Variants in TMEM232 observed in about 807,000 individuals in gnomAD.
TMEM232 encodes transmembrane protein 232.
A neutral mutation model predicts 78.8 loss-of-function variants in TMEM232; 80 were observed. That is an observed-to-expected ratio of 1.01 (90% CI 0.85 to 1.22). The LOEUF (loss-of-function observed/expected upper bound fraction) is 1.22. Among genes scored for constraint, TMEM232 ranks in the 50% most tolerant of loss-of-function variants. TMEM232 has a pLI of 0.00. For missense variants in TMEM232, 881 were observed against 742.2 expected (o/e 1.19, Z -2.17); for synonymous variants, 297 against 254.3 (o/e 1.17, Z -1.60).
At chr5:110,655,714 T>G (rs1788943257) in intron 2 of TMEM232, among the ~76,000 whole-genome samples, 1 of 151,650 alleles carries the variant, frequency 6.6e-6, no homozygotes, top group African/African-American at 2.4e-5. Context: ...CACCATGGAA[T>G]ACTATGCAGC....
At chr5:110,465,119 C>G (rs1761936847) in intron 12 of TMEM232, among the ~76,000 whole-genome samples, 1 of 152,164 alleles carries the variant, frequency 6.6e-6, no homozygotes, top group South Asian at 2.1e-4. Context: ...GAGTGAAAAG[C>G]TGTCTTTACT....
intron 1 of TMEM232, among the ~76,000 whole-genome samples, chr5:110,674,404 A>G (rs1791763894): frequency 6.6e-6 from 1 of 152,246 alleles, no homozygotes; most frequent in Non-Finnish European, 1.5e-5. Flanking sequence ...AATAATGACG[A>G]AGTTATTCCA....
intron 10 of TMEM232, among the ~76,000 whole-genome samples, chr5:110,592,947 C>T (rs561055289): frequency 1.3e-5 from 2 of 152,260 alleles, no homozygotes; most frequent in East Asian, 3.9e-4. Flanking sequence ...TTTGATGAAA[C>T]TGTTGCTCAC....
At chr5:110,648,015 G>C (rs1350282942) in intron 2 of TMEM232, among the ~76,000 whole-genome samples, 3 of 151,930 alleles carry the variant, frequency 2.0e-5, no homozygotes, top group Admixed American at 2.0e-4. Context: ...TTAAGTGGTA[G>C]AACATATTTT....
chr5:110,498,459 T>C (rs1182355799), intron 12 of TMEM232, among the ~76,000 whole-genome samples: 1 of 152,102 alleles, frequency 6.6e-6, no homozygotes. Context: ...TTCCCAATTC[T>C]AGTACCAAGA....
At position 110,470,175 on chromosome 5, in the gene TMEM232, C is replaced by T. The variant is rs900947943; in HGVS notation, c.1704-45259G>A. 5.9e-5 allele frequency among the ~76,000 whole-genome samples: 9 copies of T among 152,088 alleles called. No homozygotes were observed. The South Asian group carries it at 6.2e-4, about 11-fold the overall frequency. On this transcript the variant is annotated intron_variant, in intron 12 of 13. Coordinates refer to ENST00000455884, the MANE Select transcript of TMEM232 (RefSeq NM_001039763.4). The stretch of plus-strand genomic sequence containing the variant: ...TCTGTTTCATGCAGTGCAGCTGTAC[C>T]GTGCTCCCTGGACCCAAACATCTAG...
At chr5:110,500,360 A>G (rs540726471) in intron 12 of TMEM232, among the ~76,000 whole-genome samples, 21 of 152,094 alleles carry the variant, frequency 1.4e-4, no homozygotes, top group Admixed American at 3.3e-4. Flanking sequence ...TTTACAAAGT[A>G]TAACCTCTAA....
rs70999966 is a variant in TMEM232, at chr5:110,406,265, TACACACACACACACACACACAC to T, written n.309-8433_309-8412del. 2.1e-5 allele frequency among the ~76,000 whole-genome samples: 3 copies of T among 143,584 alleles called. No individual in the cohort carries two copies. The Admixed American group carries it at 2.1e-4, about 10-fold the overall frequency. 94.2% of individuals were successfully genotyped at this position (143,584 alleles called of 152,430 possible). On this transcript the variant is annotated intron_variant and non_coding_transcript_variant, in intron 2 of 8. Transcript: ENST00000507188. ...CATCTACCTATGACACAGATATATA[TACACACACACACACACACACAC>T]ACACACACACACACACACATATGTG... is the stretch of plus-strand genomic sequence containing the variant.
At chr5:110,706,347 T>A (rs893139850) in intron 1 of TMEM232, among the ~76,000 whole-genome samples, 2 of 152,174 alleles carry the variant, frequency 1.3e-5, no homozygotes, top group Non-Finnish European at 1.5e-5. Flanking sequence ...TTCTATAATA[T>A]GTTGTTTCTT....
In TMEM232 at chr5:110,625,440, TAAGAAAAATC is replaced by T; in HGVS notation, c.602-17_602-8del. Reference sequence around the variant, plus strand: ...GCTCCAGAGAAAGAAAGTGCTATTGTAAGAAAAATCATCTGTGAGAAATAATTTATTAATA... The same window carrying T: ...GCTCCAGAGAAAGAAAGTGCTATTGTATCTGTGAGAAATAATTTATTAATA... On this transcript the variant is annotated splice_region_variant and splice_polypyrimidine_tract_variant and intron_variant, in intron 6 of 13. Coordinates refer to ENST00000455884, the MANE Select transcript of TMEM232 (RefSeq NM_001039763.4). 6.7e-7 allele frequency: 1 copy of T among 1,497,852 alleles called. No individual in the cohort carries two copies. Among genetic ancestry groups the T allele is most frequent in the South Asian group, 1.3e-5 (1 of 74,576 alleles). The allele number at this position is 1,497,852 out of a possible 1,614,324, so 92.8% of individuals were successfully genotyped here. A position where few individuals can be genotyped will look rare whatever the true frequency, so the allele number is the denominator to read the frequency against.
intron 1 of TMEM232, among the ~76,000 whole-genome samples, chr5:110,719,636 T>C (rs1169233246): frequency 6.6e-6 from 1 of 152,076 alleles, no homozygotes; most frequent in African/African-American, 2.4e-5. Context: ...TTGTTTTTGA[T>C]ATTGTTTGCT....
At chr5:110,458,500 T>A (rs1761137947) in intron 12 of TMEM232, among the ~76,000 whole-genome samples, 1 of 152,174 alleles carries the variant, frequency 6.6e-6, no homozygotes, top group Non-Finnish European at 1.5e-5. Flanking sequence ...GAATAGTAGC[T>A]GTCTAGTAGC....
intron 12 of TMEM232, among the ~76,000 whole-genome samples, chr5:110,472,579 ACT>A (rs1250543255): frequency 3.3e-5 from 5 of 151,886 alleles, no homozygotes; most frequent in African/African-American, 1.2e-4. Flanking sequence ...ACCACAAAAG[ACT>A]CTGTAAATCA....
chr5:110,446,920 T>C (rs1021721990), intron 12 of TMEM232, among the ~76,000 whole-genome samples: 1 of 151,804 alleles, frequency 6.6e-6, no homozygotes, highest in Non-Finnish European at 1.5e-5. Flanking sequence ...ATGTTCTATG[T>C]GGTGATCTTT....
chr5:110,729,560 T>A (rs184235427), upstream of TMEM232, among the ~76,000 whole-genome samples: 3 of 152,340 alleles, frequency 2.0e-5, no homozygotes, highest in East Asian at 1.9e-4. Flanking sequence ...AACGGCAGAT[T>A]ATATTTTCTC....
At position 110,398,259 on chromosome 5, in the gene TMEM232, T is replaced by C. The variant is rs1415027498; in HGVS notation, n.309-405A>G. Among the ~76,000 whole-genome samples, 3 of 152,124 alleles carry C rather than the reference T, an allele frequency of 2.0e-5. No individual in the cohort carries two copies. The East Asian group carries it at 5.8e-4, about 29-fold the overall frequency. On this transcript the variant is annotated intron_variant and non_coding_transcript_variant, in intron 2 of 8. Coordinates refer to the TMEM232 transcript ENST00000507188. ...ACAATCTTATACTGATGGGAAAAATTTGAAGTCAGAATTGTCACTAATGTG... is the reference window on the plus strand; with the variant it reads ...ACAATCTTATACTGATGGGAAAAATCTGAAGTCAGAATTGTCACTAATGTG...
intron 1 of TMEM232, among the ~76,000 whole-genome samples, chr5:110,668,794 T>C (rs4285275): frequency 0.96 from 146,482 of 152,244 alleles, 70,677 homozygotes; most frequent in Non-Finnish European, 1. Flanking sequence ...GACCACAGTG[T>C]AATCAAACTA....
intron 12 of TMEM232, among the ~76,000 whole-genome samples, chr5:110,440,400 C>G (rs1758899791): frequency 6.6e-6 from 1 of 152,010 alleles, no homozygotes; most frequent in South Asian, 2.1e-4. Flanking sequence ...TTGATTTATC[C>G]CCTTCATCTG....
chr5:110,625,679 A>G, intron 6 of TMEM232: 1 of 225,672 alleles, frequency 4.4e-6, no homozygotes, highest in Non-Finnish European at 8.6e-6. Context: ...TTGAATGCCC[A>G]ATTAAATATA....
Sources: allele counts gnomAD v4.1 joint callset (sites outside exome capture counted in the v4.1 genomes callset), GRCh38; gene constraint gnomAD v4.1.1; transcripts MANE v1.5; gene names NCBI Gene and HGNC (gene_info 2026-07-23, HGNC 2026-07-21).